The following TNC variants were observed in gnomAD, a reference collection of about 807,000 sequenced individuals.
TNC encodes the protein tenascin.
Under a neutral mutation model 202.4 loss-of-function variants are expected in TNC, and 109 were observed. The ratio of observed to expected loss-of-function variants is 0.54; its 90% confidence interval spans 0.46 to 0.63. The LOEUF (loss-of-function observed/expected upper bound fraction) is 0.63, where lower values mean the gene tolerates loss of function less well. Among genes scored for constraint, TNC ranks in the 30% least tolerant of loss-of-function variants. The probability of loss-of-function intolerance (pLI) is 0.00; values close to 1 mark genes in which losing one functional copy is unlikely to be tolerated. For synonymous variants in TNC, 1,007 were observed against 1,089.7 expected, an observed-to-expected ratio of 0.92 and a Z score of 1.50; for missense variants, 2,756 against 2,833.3, an observed-to-expected ratio of 0.97 and a Z score of 0.62.
intron 19 of TNC, among the ~76,000 whole-genome samples, chr9:115,039,522 A>T (rs1273081598): frequency 6.6e-6 from 1 of 152,214 alleles, no homozygotes; most frequent in Admixed American, 6.5e-5. Flanking sequence ...ACTACCCAAC[A>T]TCACTTTCTC....
In TNC at chr9:115,073,753, G is replaced by T; in HGVS notation, c.3064C>A (p.Pro1022Thr). The T allele has an allele frequency of 6.2e-7, 1 of 1,614,186 alleles. No individual in the cohort carries two copies. The highest frequency in any genetic ancestry group is 8.5e-7 in the Non-Finnish European group (1 of 1,180,026). The stretch of plus-strand genomic sequence containing the variant: ...TGCACTCCCACCCACTGGCCTGTGG[G>T]GAGACTGTAATTGAGGCGGTAGCGG... The part of the protein sequence containing the change: ...FDRYRLNYSL[P>T]TGQWVGVQLP... The change falls in exon 10 of 28, where the codon CCC becomes ACC. Residue 1022 changes from proline to threonine, a missense_variant. Transcript: ENST00000350763.
rs2297179 is a variant in TNC, at chr9:115,047,971, G to T, written c.4852+289C>A. Reference sequence around the variant, plus strand: ...GGGACCAGCCAGGTTGATCACAAGGGACGATGATATGAGGTAAGCACACAA... The same window carrying T: ...GGGACCAGCCAGGTTGATCACAAGGTACGATGATATGAGGTAAGCACACAA... On this transcript the variant is annotated intron_variant, in intron 16 of 27. Coordinates refer to ENST00000350763, the MANE Select transcript of TNC (RefSeq NM_002160.4). Among the ~76,000 whole-genome samples the T allele has an allele frequency of 0.1, 15,904 of 152,176 alleles. 897 individuals are homozygous for T. The highest frequency in any genetic ancestry group is 0.17 in the Middle Eastern group (50 of 294).
chr9:115,030,125 ATC>A, intron 24 of TNC, 127 bp downstream of exon 24: 2 of 954,138 alleles, frequency 2.1e-6, no homozygotes, highest in Non-Finnish European at 3.0e-6. Context: ...GACAGGCACT[ATC>A]TTGCAAGGCC....
At chr9:115,117,196 A>C (rs1449809276) in intron 1 of TNC, among the ~76,000 whole-genome samples, 3 of 152,178 alleles carry the variant, frequency 2.0e-5, no homozygotes, top group Non-Finnish European at 4.4e-5. Flanking sequence ...TTCCTCTTAC[A>C]ACACTGATGG....
chr9:115,097,418 A>T (rs1185795803), intron 1 of TNC, among the ~76,000 whole-genome samples: 1 of 152,244 alleles, frequency 6.6e-6, no homozygotes, highest in Non-Finnish European at 1.5e-5. Context: ...AGAATAGATC[A>T]GAAAGAAAAC....
At chr9:115,037,521 A>T (rs181578816) in intron 20 of TNC, among the ~76,000 whole-genome samples, 42 of 152,122 alleles carry the variant, frequency 2.8e-4, no homozygotes, top group African/African-American at 9.9e-4. Context: ...TTATTTATTT[A>T]TTTATTTTTT....
At chr9:115,099,916 A>G (rs147295840) in intron 1 of TNC, among the ~76,000 whole-genome samples, 1 of 152,152 alleles carries the variant, frequency 6.6e-6, no homozygotes, top group East Asian at 1.9e-4. Context: ...GACACTCTAA[A>G]ATTTTTAGGA....
chr9:115,112,373 A>G (rs576532678), intron 1 of TNC, among the ~76,000 whole-genome samples: 1 of 152,318 alleles, frequency 6.6e-6, no homozygotes, highest in East Asian at 1.9e-4. Flanking sequence ...CCTTTCATCA[A>G]ATAAAATTTC....
At chr9:115,089,101 C>T (rs1184691456) in intron 2 of TNC, among the ~76,000 whole-genome samples, 1 of 152,156 alleles carries the variant, frequency 6.6e-6, no homozygotes. Context: ...TGTGTATTCT[C>T]ATCTGCATTT....
intron 24 of TNC, among the ~76,000 whole-genome samples, 189 bp downstream of exon 24, chr9:115,030,065 C>T (rs1048356160): frequency 6.6e-6 from 1 of 152,300 alleles, no homozygotes; most frequent in African/African-American, 2.4e-5. Context: ...AAGTAGCCAG[C>T]GTGTTTCCCA....
Position 115,035,968 on chromosome 9 carries a change from G to A in TNC, c.5656+130C>T, listed in dbSNP as rs551861815. The A allele has an allele frequency of 2.9e-5, 31 of 1,065,450 alleles. No individual in the cohort carries two copies. The South Asian group carries it at 4.8e-4, about 16-fold the overall frequency. The allele number at this position is 1,065,450 out of a possible 1,614,324, so 66.0% of individuals were successfully genotyped here. A position where few individuals can be genotyped will look rare whatever the true frequency, so the allele number is the denominator to read the frequency against. ...TGAGTGGGCACTGGTGAATTTAAGT[G>A]ATGCTGATGTAATCACATTGCAAGG... On this transcript the variant is annotated intron_variant, in intron 21 of 27. Coordinates refer to ENST00000350763, the MANE Select transcript of TNC (RefSeq NM_002160.4).
chr9:115,046,419 C>T lies in TNC; in HGVS notation c.5116G>A (p.Ala1706Thr). The T allele has an allele frequency of 1.9e-6, 3 of 1,614,042 alleles. No individual in the cohort carries two copies. The highest frequency in any genetic ancestry group is 2.5e-6 in the Non-Finnish European group (3 of 1,179,932). The change falls in exon 17 of 28, where the codon GCA becomes ACA. Residue 1706 changes from alanine to threonine, a missense_variant. Physicochemically the swap from Ala to Thr is moderately conservative, Grantham distance 58. Coordinates refer to ENST00000350763, the MANE Select transcript of TNC (RefSeq NM_002160.4). ...GRRSQTVSAI[A>T]TTAMGSPKEV... ...TGTTTATTTACAGTACCTGTTGTTG[C>T]TATAGCACTGACTGTCTGGGATCGC...
intron 1 of TNC, among the ~76,000 whole-genome samples, chr9:115,095,470 GTATATATATGTA>G (rs1222137719): frequency 2.6e-5 from 1 of 38,284 alleles, no homozygotes; most frequent in African/African-American, 1.2e-4. Flanking sequence ...ATATATATAT[GTATATATATGTA>G]TATATATATG....
In TNC at chr9:115,073,655, T is replaced by A; in HGVS notation, c.3162A>T (p.Thr1054=). ...EPGQEYNVLL[T]AEKGRHKSKP... ...TGCTCTTGTGTCTGCCTTTCTCGGC[T>A]GTCAGGAGGACATTGTACTCCTGTC... Residue 1054 remains threonine, a synonymous_variant, in exon 10 of 28, where the codon ACA becomes ACT. Coordinates refer to ENST00000350763, the MANE Select transcript of TNC (RefSeq NM_002160.4). The A allele has an allele frequency of 6.2e-7, 1 of 1,614,164 alleles. No homozygotes were observed. The highest frequency in any genetic ancestry group is 8.5e-7 in the Non-Finnish European group (1 of 1,180,004).
chr9:115,107,951 C>T (rs1360291), intron 1 of TNC, among the ~76,000 whole-genome samples: 62,031 of 152,012 alleles, frequency 0.41, 12,960 homozygotes, highest in Admixed American at 0.51. Context: ...TTGGAGAATA[C>T]TTAAGCCAAG....
At chr9:115,065,354 C>T (rs1305222056) in intron 10 of TNC, among the ~76,000 whole-genome samples, 1 of 152,010 alleles carries the variant, frequency 6.6e-6, no homozygotes, top group Non-Finnish European at 1.5e-5. Context: ...TGAGATGGCG[C>T]CATTGCACTC....
chr9:115,054,882 T>G lies in TNC; in HGVS notation c.4579+2271A>C, dbSNP rs573480247. On this transcript the variant is annotated intron_variant, in intron 15 of 27. Transcript: ENST00000350763. ...TGACAGCTATCAGTGGGTGACAAAA[T>G]GTGCTTGACAAAGTACATGTCAAAA... 3.3e-4 allele frequency among the ~76,000 whole-genome samples: 50 copies of G among 152,274 alleles called. No homozygotes were observed. In the South Asian group the frequency reaches 9.7e-3, roughly 30 times the overall value.
rs370065718 is a variant in TNC at position 115,036,328 on chromosome 9, C to T, written c.5513-87G>A. The T allele has an allele frequency of 9.9e-5, 143 of 1,449,626 alleles. 1 individual carries two copies. Among genetic ancestry groups the T allele is most frequent in the African/African-American group, 4.6e-4 (33 of 71,338 alleles). The allele number at this position is 1,449,626 out of a possible 1,614,324, so 89.8% of individuals were successfully genotyped here. On this transcript the variant is annotated intron_variant, in intron 20 of 27. Transcript: ENST00000350763. ...TGGCAAACCACATACACACCTCCTTCGAACATCGAAACTTTCAGTGACCCT... is the reference window on the plus strand; with the variant it reads ...TGGCAAACCACATACACACCTCCTTTGAACATCGAAACTTTCAGTGACCCT...
intron 10 of TNC, among the ~76,000 whole-genome samples, chr9:115,066,828 CTT>C (rs1329377365): frequency 6.6e-6 from 1 of 152,212 alleles, no homozygotes; most frequent in African/African-American, 2.4e-5. Flanking sequence ...TGCTTGTTCA[CTT>C]ATATATTGTT....
Sources: gnomAD v4.1 joint callset for allele counts (sites outside exome capture counted in the v4.1 genomes callset) on GRCh38, gnomAD v4.1.1 for gene constraint, MANE v1.5 for transcripts, NCBI Gene and HGNC (gene_info 2026-07-23, HGNC 2026-07-21) for gene names.